The following UNC13A variants were observed in gnomAD, a reference collection of about 807,000 sequenced individuals.
The protein encoded by UNC13A is unc-13 homolog A, also known as protein unc-13 homolog A.
Under a neutral mutation model 219.7 loss-of-function variants are expected in UNC13A, and 61 were observed. That is an observed-to-expected ratio of 0.28 (90% confidence interval 0.23 to 0.34). The LOEUF is 0.34. UNC13A is among the 10% of genes least tolerant of loss of function. The pLI, the probability that UNC13A is intolerant of heterozygous loss-of-function variation, is 1.00. For missense variants in UNC13A, 1,476 were observed against 2,270.3 expected, an observed-to-expected ratio of 0.65 and a Z score of 7.11; for synonymous variants, 920 against 884.6, an observed-to-expected ratio of 1.04 and a Z score of -0.71.
chr19:17,674,849 G>T lies in UNC13A; in HGVS notation c.53-93C>A. On this transcript the variant is annotated intron_variant, in intron 2 of 43. Transcript: ENST00000519716. This position sits in a 1 kb window ranked among gnomAD's most constrained non-coding sequence, Gnocchi z 5.0. ...AGACCATCTGCTGTGATCCCCTCAG[G>T]AATTTCTGGGCCACTCACCCCCTAA... 9.0e-7 allele frequency: 1 copy of T among 1,108,206 alleles called. No homozygotes were observed. Among genetic ancestry groups the T allele is most frequent in the South Asian group, 1.3e-5 (1 of 75,556 alleles). 68.6% of individuals were successfully genotyped at this position (1,108,206 alleles called of 1,614,324 possible). A position where few individuals can be genotyped will look rare whatever the true frequency, so the allele number is the denominator to read the frequency against.
At position 17,648,948 on chromosome 19, in the gene UNC13A, C is replaced by T. The variant is rs780252868; in HGVS notation, c.1560G>A (p.Ser520=). The change falls in exon 15 of 44, where the codon TCG becomes TCA. Residue 520 remains serine, a synonymous_variant. Coordinates refer to ENST00000519716, the MANE Select transcript of UNC13A (RefSeq NM_001080421.3). ...LVQSRKAGIT[S]ALASSTLNNE... is the part of the protein sequence containing the mutation. ...TGTTCAACGTGCTGGAGGCCAAGGC[C>T]GAGGTGATGCCCGCTTTCCTGGACT... 5 of 1,605,328 alleles carry T rather than the reference C, an allele frequency of 3.1e-6. No individual in the cohort carries two copies. Among genetic ancestry groups the T allele is most frequent in the Middle Eastern group, 3.3e-4 (2 of 6,046 alleles).
chr19:17,685,551 C>G (rs541180878), intron 1 of UNC13A, among the ~76,000 whole-genome samples: 2 of 152,176 alleles, frequency 1.3e-5, no homozygotes, highest in Non-Finnish European at 2.9e-5. Flanking sequence ...TCATCAGACA[C>G]GTGGATACAT....
intron 17 of UNC13A, 109 bp downstream of exon 17, chr19:17,647,156 C>T (rs555508483): frequency 1.9e-6 from 2 of 1,049,074 alleles, no homozygotes; most frequent in South Asian, 1.6e-5. Context: ...TGCACCCGAC[C>T]GAGTGAGTGC....
At chr19:17,667,238 A>G (rs1027128319) in intron 6 of UNC13A, among the ~76,000 whole-genome samples, 1 of 138,812 alleles carries the variant, frequency 7.2e-6, no homozygotes, top group African/African-American at 2.8e-5. Flanking sequence ...TGACACAGCG[A>G]GACTCCGTCT....
intron 6 of UNC13A, 39 bp downstream of exon 6, chr19:17,668,078 A>G: frequency 6.3e-7 from 1 of 1,598,722 alleles, no homozygotes; most frequent in Non-Finnish European, 8.6e-7. Context: ...CAGAGACAGA[A>G]ACAAGGAAGA....
intron 17 of UNC13A, 39 bp downstream of exon 17, chr19:17,647,226 G>A: frequency 1.3e-6 from 2 of 1,525,492 alleles, no homozygotes; most frequent in Non-Finnish European, 1.8e-6. Flanking sequence ...CTCAGAGGGT[G>A]GAGAAGGAGG....
intron 43 of UNC13A, among the ~76,000 whole-genome samples, chr19:17,609,670 G>T (rs1213148719): frequency 6.6e-6 from 1 of 152,046 alleles, no homozygotes; most frequent in East Asian, 1.9e-4. Context: ...CCTCCCCTCT[G>T]CAAGTCTTCA....
Position 17,641,469 on chromosome 19 carries a change from A to G in UNC13A, c.2560T>C (p.Tyr854His). The G allele has an allele frequency of 6.2e-7, 1 of 1,614,134 alleles. No individual in the cohort carries two copies. The highest frequency in any genetic ancestry group is 8.5e-7 in the Non-Finnish European group (1 of 1,180,016). ...AKGDDAWKVY[Y>H]DETAQEIVDE... ...ACAATCTCCTGGGCTGTCTCATCGT[A>G]GTAAACCTTCCAGGCATCGTCACCC... is the stretch of plus-strand genomic sequence containing the variant. The change falls in exon 21 of 44, where the codon TAC becomes CAC. Residue 854 changes from tyrosine (Y) to histidine (H), a missense_variant. By Grantham distance (83) the Tyr-to-His change is moderately conservative (BLOSUM62 2). Coordinates refer to ENST00000519716, the MANE Select transcript of UNC13A (RefSeq NM_001080421.3).
At chr19:17,677,466 C>T (rs2079921982) in intron 1 of UNC13A, among the ~76,000 whole-genome samples, 1 of 151,684 alleles carries the variant, frequency 6.6e-6, no homozygotes, top group African/African-American at 2.4e-5. Context: ...CAGATTCAAG[C>T]AATTCTCCTG....
At chr19:17,623,383 C>T (rs2076749460) in intron 36 of UNC13A, 159 bp downstream of exon 36, 1 of 576,238 alleles carries the variant, frequency 1.7e-6, no homozygotes. Context: ...CCTCCCCATG[C>T]CCCGCCCCAG....
At chr19:17,610,947 C>T (rs78357698) in intron 42 of UNC13A, among the ~76,000 whole-genome samples, 8,997 of 152,144 alleles carry the variant, frequency 0.059, 313 homozygotes, top group Middle Eastern at 0.1. Context: ...GCAGGAGGAT[C>T]GCTAGAGCCC....
At chr19:17,646,497 C>G (rs930257313) in intron 17 of UNC13A, among the ~76,000 whole-genome samples, 1 of 152,014 alleles carries the variant, frequency 6.6e-6, no homozygotes, top group Non-Finnish European at 1.5e-5. Flanking sequence ...CTCAGGTGAT[C>G]CGCCTGCCTC....
chr19:17,686,224 T>C (rs1346361582), intron 1 of UNC13A, among the ~76,000 whole-genome samples: 1 of 130,378 alleles, frequency 7.7e-6, no homozygotes, highest in Non-Finnish European at 1.6e-5. Flanking sequence ...CCCTCTTGCC[T>C]CCTGCTGCCC....
At chr19:17,624,974 G>C (rs58624770) in intron 34 of UNC13A, 22 bp from the exon 35 acceptor site, 17 of 1,607,906 alleles carry the variant, frequency 1.1e-5, no homozygotes, top group Non-Finnish European at 1.4e-5. Flanking sequence ...GGGCAGGTCT[G>C]AGAGAGGGCC....
chr19:17,623,579 G>T, intron 35 of UNC13A, 32 bp from the exon 36 acceptor site: 1 of 1,191,940 alleles, frequency 8.4e-7, no homozygotes, highest in Non-Finnish European at 1.1e-6. Flanking sequence ...GGGCGGTGGG[G>T]GAGGGGGGAA....
At chr19:17,663,146 A>G (rs1256133802) in intron 8 of UNC13A, among the ~76,000 whole-genome samples, 1 of 151,480 alleles carries the variant, frequency 6.6e-6, no homozygotes, top group Non-Finnish European at 1.5e-5. Flanking sequence ...ACACATTTCC[A>G]AGTGGAGAAG....
intron 1 of UNC13A, among the ~76,000 whole-genome samples, chr19:17,684,581 G>A (rs1403520223): frequency 6.6e-6 from 1 of 152,210 alleles, no homozygotes; most frequent in Non-Finnish European, 1.5e-5. Flanking sequence ...AAGCAGCGGG[G>A]CACCACATGA....
intron 35 of UNC13A, among the ~76,000 whole-genome samples, chr19:17,624,149 G>A (rs911034015): frequency 1.5e-5 from 2 of 137,744 alleles, no homozygotes; most frequent in African/African-American, 2.8e-5. Context: ...TTTTGAGAAA[G>A]GGTCTCGTTC....
At chr19:17,655,422 C>A (rs768419398) in intron 10 of UNC13A, 40 bp from the exon 11 acceptor site, 2 of 1,482,864 alleles carry the variant, frequency 1.3e-6, no homozygotes, top group South Asian at 1.2e-5. Flanking sequence ...GCTGGCTCTC[C>A]GTGACCCCTG....
Sources: gnomAD v4.1 joint callset for allele counts (sites outside exome capture counted in the v4.1 genomes callset) on GRCh38, gnomAD v4.1.1 for gene constraint, Gnocchi (gnomAD v3.1) non-coding constraint, MANE v1.5 for transcripts, NCBI Gene and HGNC (gene_info 2026-07-23, HGNC 2026-07-21) for gene names.